The following STAT4 variants were observed in gnomAD, a reference collection of about 807,000 sequenced individuals.
STAT4 encodes the protein signal transducer and activator of transcription 4.
Under a neutral mutation model 110.5 loss-of-function variants are expected in STAT4, and 42 were observed. The ratio of observed to expected loss-of-function variants is 0.38; its 90% confidence interval spans 0.30 to 0.49. The LOEUF is 0.49. STAT4 is among the 20% of genes least tolerant of loss of function. The pLI, the probability that STAT4 is intolerant of heterozygous loss-of-function variation, is 0.95. For missense variants in STAT4, 632 were observed against 887.9 expected (o/e 0.71, Z 3.66); for synonymous variants, 284 against 302.2 (o/e 0.94, Z 0.63).
At chr2:191,064,638 G>A (rs1046311583) in intron 8 of STAT4, among the ~76,000 whole-genome samples, 169 bp downstream of exon 8, 1 of 152,154 alleles carries the variant, frequency 6.6e-6, no homozygotes, top group Admixed American at 6.5e-5. Flanking sequence ...TGAAAACTAA[G>A]AACACTTATA....
intron 3 of STAT4, among the ~76,000 whole-genome samples, chr2:191,084,863 T>C (rs1697591956): frequency 1.3e-5 from 2 of 151,922 alleles, no homozygotes; most frequent in Non-Finnish European, 2.9e-5. Flanking sequence ...TATAAAAATA[T>C]AAAAAGTTTA....
In STAT4 at chr2:191,104,055, C is replaced by T. The variant is rs1698213171; in HGVS notation, c.274-27730G>A. Among the ~76,000 whole-genome samples, 1 of 152,074 alleles carries T rather than the reference C, an allele frequency of 6.6e-6. No individual in the cohort carries two copies. Among genetic ancestry groups the T allele is most frequent in the Non-Finnish European group, 1.5e-5 (1 of 67,994 alleles). On this transcript the variant is annotated intron_variant, in intron 3 of 23. Transcript: ENST00000392320. This position sits in a 1 kb window ranked among gnomAD's most constrained non-coding sequence, Gnocchi z 4.3. Reference sequence around the variant, plus strand: ...CTAGGTATCAAGGCCTTTGTGATAGCTTTTTGATGTACAATACTGAAGAAA... The same window carrying T: ...CTAGGTATCAAGGCCTTTGTGATAGTTTTTTGATGTACAATACTGAAGAAA...
At chr2:191,125,960 G>A (rs1421625772) in intron 3 of STAT4, among the ~76,000 whole-genome samples, 3 of 152,102 alleles carry the variant, frequency 2.0e-5, no homozygotes, top group African/African-American at 2.4e-5. Flanking sequence ...AAATTAAAAT[G>A]GATACATTTG....
At chr2:191,123,300 C>G (rs1203049528) in intron 3 of STAT4, among the ~76,000 whole-genome samples, 1 of 152,146 alleles carries the variant, frequency 6.6e-6, no homozygotes, top group African/African-American at 2.4e-5. Context: ...GACCACCTCC[C>G]CCGCTCCCTA....
At chr2:191,040,537 T>C (rs1375299483) in intron 15 of STAT4, among the ~76,000 whole-genome samples, 4 of 152,062 alleles carry the variant, frequency 2.6e-5, no homozygotes, top group Non-Finnish European at 5.9e-5. Flanking sequence ...GTAATACTCT[T>C]GAGCTTTTTA....
chr2:191,097,929 C>T (rs763389734), intron 3 of STAT4, among the ~76,000 whole-genome samples: 1 of 151,758 alleles, frequency 6.6e-6, no homozygotes, highest in African/African-American at 2.4e-5. Context: ...AAAAACCAAC[C>T]AACCTATCAA....
intron 3 of STAT4, among the ~76,000 whole-genome samples, chr2:191,097,109 C>T (rs534875034): frequency 5.9e-5 from 9 of 151,988 alleles, no homozygotes; most frequent in East Asian, 1.9e-4. Flanking sequence ...CACTGCTCGA[C>T]GAAATAAAAG....
rs1401071870 is a variant in STAT4 at position 191,053,539 on chromosome 2, C to T, written c.1251+951G>A. Among the ~76,000 whole-genome samples the T allele has an allele frequency of 6.6e-6, 1 of 152,200 alleles. No homozygotes were observed. Among genetic ancestry groups the T allele is most frequent in the Non-Finnish European group, 1.5e-5 (1 of 68,038 alleles). On this transcript the variant is annotated intron_variant, in intron 14 of 23. Coordinates refer to ENST00000392320, the MANE Select transcript of STAT4 (RefSeq NM_003151.4). The surrounding 1 kb of genome is among the most constrained non-coding windows in gnomAD (Gnocchi z 4.5). ...TGATTTGACTACTCTATCATCAACT[C>T]AACGGAGTACTCAGACTGCATCAGT...
At chr2:191,137,719 T>G (rs1699216711) in intron 3 of STAT4, among the ~76,000 whole-genome samples, 1 of 152,056 alleles carries the variant, frequency 6.6e-6, no homozygotes. Flanking sequence ...ATCCACATAT[T>G]TACAGCCAAC....
chr2:191,096,916 G>A (rs894182595), intron 3 of STAT4, among the ~76,000 whole-genome samples: 2 of 152,168 alleles, frequency 1.3e-5, no homozygotes, highest in Middle Eastern at 3.2e-3. Flanking sequence ...AGCAACTTCA[G>A]CAAAGTCTCA....
chr2:191,121,771 T>C (rs1340742802), intron 3 of STAT4, among the ~76,000 whole-genome samples: 1 of 31,896 alleles, frequency 3.1e-5, no homozygotes, highest in African/African-American at 1.3e-4. Flanking sequence ...GGGCCTGTTG[T>C]GGGGTGGGGG....
intron 4 of STAT4, among the ~76,000 whole-genome samples, chr2:191,074,041 G>A (rs1312760181): frequency 6.6e-6 from 1 of 152,052 alleles, no homozygotes; most frequent in African/African-American, 2.4e-5. Flanking sequence ...TTTAGAATTG[G>A]GGATGTTGAA....
chr2:191,130,737 A>C (rs1205932192), intron 3 of STAT4, among the ~76,000 whole-genome samples: 1 of 151,578 alleles, frequency 6.6e-6, no homozygotes, highest in Non-Finnish European at 1.5e-5. Context: ...GATTTCTTTT[A>C]ATTTGTGGTG....
At chr2:191,134,089 A>G (rs1463450197) in intron 3 of STAT4, among the ~76,000 whole-genome samples, 2 of 152,188 alleles carry the variant, frequency 1.3e-5, no homozygotes, top group African/African-American at 4.8e-5. Context: ...GTCTACCACC[A>G]TTCACACCTG....
intron 3 of STAT4, among the ~76,000 whole-genome samples, chr2:191,115,208 A>T (rs928290494): frequency 1.3e-5 from 2 of 152,202 alleles, no homozygotes; most frequent in African/African-American, 4.8e-5. Flanking sequence ...TCAAAAACCC[A>T]TTCACCAAGA....
rs1292156668 is a variant in STAT4 at position 191,050,983 on chromosome 2, T to C, written c.1251+3507A>G. 6.6e-6 allele frequency among the ~76,000 whole-genome samples: 1 copy of C among 152,204 alleles called. No individual in the cohort carries two copies. Among genetic ancestry groups the C allele is most frequent in the Non-Finnish European group, 1.5e-5 (1 of 68,036 alleles). On this transcript the variant is annotated intron_variant, in intron 14 of 23. Coordinates refer to ENST00000392320, the MANE Select transcript of STAT4 (RefSeq NM_003151.4). The surrounding 1 kb of genome is among the most constrained non-coding windows in gnomAD (Gnocchi z 4.3). ...TGTCAATCATTTAATAACTATCTGA[T>C]ACAAAGTCTTACAACCAAAAAGTAG...
At position 191,110,620 on chromosome 2, in the gene STAT4, G is replaced by A. The variant is rs528045885; in HGVS notation, c.274-34295C>T. Among the ~76,000 whole-genome samples, 6 of 152,100 alleles carry A rather than the reference G, an allele frequency of 3.9e-5. No individual in the cohort carries two copies. Among genetic ancestry groups the A allele is most frequent in the South Asian group, 2.1e-4 (1 of 4,818 alleles). On this transcript the variant is annotated intron_variant, in intron 3 of 23. Transcript: ENST00000392320. This position sits in a 1 kb window ranked among gnomAD's most constrained non-coding sequence, Gnocchi z 4.5. The stretch of plus-strand genomic sequence containing the variant: ...TTGTCTTTAAAGTGCTTTTTGTTTC[G>A]TGGTATACATGTATCCAAGATGGGG...
intron 3 of STAT4, chr2:191,131,673 C>A: frequency 1.1e-6 from 1 of 877,078 alleles, no homozygotes; most frequent in Non-Finnish European, 1.5e-6. Context: ...GTAATGGTAA[C>A]ATCTGGGTAT....
chr2:191,065,017 A>C, intron 7 of STAT4, 59 bp from the exon 8 acceptor site: 2 of 1,440,132 alleles, frequency 1.4e-6, no homozygotes, highest in South Asian at 1.5e-5. Context: ...CTTAGAATTC[A>C]ATTTACAAAA....
Sources: allele counts gnomAD v4.1 joint callset (sites outside exome capture counted in the v4.1 genomes callset), GRCh38; gene constraint gnomAD v4.1.1; non-coding constraint Gnocchi (gnomAD v3.1); transcripts MANE v1.5; gene names NCBI Gene and HGNC (gene_info 2026-07-23, HGNC 2026-07-21).